The following NRG1 variants were observed in gnomAD, a reference collection of about 807,000 sequenced individuals.
The protein encoded by NRG1 is pro-neuregulin-1, membrane-bound isoform.
NRG1 carries 18 observed loss-of-function variants against 63.8 expected under a neutral mutation model. The ratio of observed to expected loss-of-function variants is 0.28; its 90% CI spans 0.19 to 0.42. The LOEUF (loss-of-function observed/expected upper bound fraction) is 0.42, where lower values mean the gene tolerates loss of function less well. NRG1 is among the 10% of genes least tolerant of loss of function. NRG1 has a pLI of 1.00. For synonymous variants in NRG1, 302 were observed against 301.3 expected, an observed-to-expected ratio of 1.00 and a Z score of -0.02; for missense variants, 762 against 814.7, an observed-to-expected ratio of 0.94 and a Z score of 0.79.
intron 7 of NRG1, among the ~76,000 whole-genome samples, chr8:32,752,163 G>C (rs1203173259): frequency 6.6e-6 from 1 of 152,120 alleles, no homozygotes; most frequent in Non-Finnish European, 1.5e-5. Flanking sequence ...ACAGCCCAGG[G>C]AGCTGTGCTC....
At position 32,614,523 on chromosome 8, in the gene NRG1, C is replaced by A. The variant is rs747599580; in HGVS notation, c.410C>A (p.Thr137Asn). 1.4e-5 allele frequency: 22 copies of A among 1,612,258 alleles called. No homozygotes were observed. In the Admixed American group the frequency reaches 3.5e-4, roughly 26 times the overall value. ...CACCTTTTTTTTTCAGAGATCATCACTGGTATGCCAGCCTCAACTGAAGGA... is the reference window on the plus strand; with the variant it reads ...CACCTTTTTTTTTCAGAGATCATCAATGGTATGCCAGCCTCAACTGAAGGA... The change falls in exon 4 of 12, where the codon ACT becomes AAT. Residue 137 changes from threonine to asparagine, a missense_variant. By Grantham distance (65) the Thr-to-Asn change is moderately conservative (BLOSUM62 0). This residue lies in a region of NRG1 where 122 missense variants were observed against 190.1 expected (regional missense o/e 0.64). Transcript: ENST00000356819.
At chr8:31,767,549 A>C (rs1311628437) in intron 1 of NRG1, among the ~76,000 whole-genome samples, 1 of 152,164 alleles carries the variant, frequency 6.6e-6, no homozygotes, top group Non-Finnish European at 1.5e-5. Flanking sequence ...AGTACAATTA[A>C]GAAAACCTTA....
chr8:32,749,713 C>CTA lies in NRG1; in HGVS notation c.692-4656_692-4655dup, dbSNP rs2129048243. 13 of 829,446 alleles carry CTA rather than the reference C, an allele frequency of 1.6e-5. No individual in the cohort carries two copies. In the South Asian group the frequency reaches 2.2e-4, roughly 14 times the overall value. 51.4% of individuals were successfully genotyped at this position (829,446 alleles called of 1,614,324 possible). Reference sequence around the variant, plus strand: ...TTTTTCTTTAGAAGGGATCATACAGCTATAACAATGATTTCTCTGCCTTCA... The same window carrying CTA: ...TTTTTCTTTAGAAGGGATCATACAGCTATATAACAATGATTTCTCTGCCTTCA... On this transcript the variant is annotated intron_variant, in intron 7 of 11. Coordinates refer to ENST00000356819, the Ensembl canonical transcript of NRG1.
At chr8:31,834,305 G>GCACACA (rs1554547004) in intron 1 of NRG1, among the ~76,000 whole-genome samples, 239 of 144,358 alleles carry the variant, frequency 1.7e-3, no homozygotes, top group East Asian at 5.4e-3. Flanking sequence ...GCGCGCACGC[G>GCACACA]CGCACACACA....
chr8:31,970,174 AT>A (rs1246839817), intron 1 of NRG1, among the ~76,000 whole-genome samples: 14 of 152,162 alleles, frequency 9.2e-5, no homozygotes, highest in South Asian at 8.3e-4. Context: ...GATAGTGAAA[AT>A]ATTAATTCAT....
intron 1 of NRG1, among the ~76,000 whole-genome samples, chr8:32,457,003 G>T (rs146817774): frequency 0.012 from 1,899 of 152,132 alleles, 40 homozygotes; most frequent in African/African-American, 0.043. Flanking sequence ...GTGGTGGTGG[G>T]TGCCTGTAGT....
chr8:31,660,644 AC>A (rs1294500833), intron 1 of NRG1, among the ~76,000 whole-genome samples: 2 of 152,252 alleles, frequency 1.3e-5, no homozygotes, highest in Non-Finnish European at 2.9e-5. Flanking sequence ...AAAGAAATTG[AC>A]TAAATGGAAG....
chr8:31,861,772 C>G (rs1828497067), intron 1 of NRG1, among the ~76,000 whole-genome samples: 1 of 152,254 alleles, frequency 6.6e-6, no homozygotes, highest in Middle Eastern at 3.4e-3. Flanking sequence ...AGTCCCAGAC[C>G]CACAATGAAC....
intron 1 of NRG1, among the ~76,000 whole-genome samples, chr8:32,515,371 T>G (rs1039949255): frequency 6.6e-6 from 1 of 152,184 alleles, no homozygotes; most frequent in Non-Finnish European, 1.5e-5. Flanking sequence ...GTTGAGAATT[T>G]TTTTCATACG....
intron 5 of NRG1, among the ~76,000 whole-genome samples, chr8:32,621,601 G>A (rs1240917638): frequency 1.3e-5 from 2 of 152,078 alleles, no homozygotes; most frequent in African/African-American, 2.4e-5. Flanking sequence ...AAAACAAAAC[G>A]GAAAATCTAA....
At chr8:32,345,297 G>T (rs1302734088) in intron 1 of NRG1, among the ~76,000 whole-genome samples, 1 of 61,226 alleles carries the variant, frequency 1.6e-5, no homozygotes, top group Admixed American at 1.3e-4. Context: ...GTTGAAGAAA[G>T]ACTTGGCTCT....
chr8:32,065,169 T>G (rs1297468176), intron 1 of NRG1, among the ~76,000 whole-genome samples: 1 of 151,926 alleles, frequency 6.6e-6, no homozygotes, highest in Non-Finnish European at 1.5e-5. Flanking sequence ...GGAAGAACTT[T>G]GTGGCCATCG....
intron 1 of NRG1, among the ~76,000 whole-genome samples, chr8:32,495,321 C>G (rs545582838): frequency 2.0e-5 from 3 of 152,356 alleles, no homozygotes; most frequent in Admixed American, 6.5e-5. Flanking sequence ...CCTGCACATG[C>G]TGTCTTGCCT....
intron 1 of NRG1, among the ~76,000 whole-genome samples, chr8:31,675,770 T>C (rs1043921991): frequency 2.6e-5 from 4 of 152,180 alleles, no homozygotes; most frequent in Non-Finnish European, 4.4e-5. Context: ...ACCAAATGCT[T>C]CCATAAATAT....
chr8:32,259,729 C>T (rs1302588755), intron 1 of NRG1, among the ~76,000 whole-genome samples: 1 of 152,034 alleles, frequency 6.6e-6, no homozygotes, highest in South Asian at 2.1e-4. Context: ...ATGAATTCAA[C>T]CTTCCTTTTC....
chr8:32,400,410 C>A (rs1252711359), intron 1 of NRG1, among the ~76,000 whole-genome samples: 1 of 152,110 alleles, frequency 6.6e-6, no homozygotes, highest in Non-Finnish European at 1.5e-5. Flanking sequence ...ACTTAAAAGA[C>A]CTAATATCCA....
At chr8:32,457,258 T>G (rs1055538329) in intron 1 of NRG1, among the ~76,000 whole-genome samples, 13 of 152,234 alleles carry the variant, frequency 8.5e-5, no homozygotes, top group Admixed American at 8.5e-4. Flanking sequence ...GTGCCACATA[T>G]AGAACATCTA....
intron 1 of NRG1, among the ~76,000 whole-genome samples, chr8:32,148,142 C>T (rs1837102522): frequency 6.6e-6 from 1 of 152,092 alleles, no homozygotes. Flanking sequence ...TGTCTTAACT[C>T]ATTTAAATCT....
chr8:32,313,967 A>G (rs1287732759), intron 1 of NRG1, among the ~76,000 whole-genome samples: 2 of 152,176 alleles, frequency 1.3e-5, no homozygotes, highest in African/African-American at 4.8e-5. Flanking sequence ...ACAAGCAGAC[A>G]CTACTTTTGG....
Sources: allele counts gnomAD v4.1 joint callset (sites outside exome capture counted in the v4.1 genomes callset), GRCh38; gene constraint gnomAD v4.1.1; regional missense constraint gnomAD v4.1.1; transcripts MANE v1.5; gene names NCBI Gene and HGNC (gene_info 2026-07-23, HGNC 2026-07-21).